Variants in GALNT17 observed in about 807,000 individuals in gnomAD.
GALNT17 encodes the protein UDP-GalNAc:polypeptide N-acetylgalactosaminyltransferase-like 3.
Under a neutral mutation model 63.7 loss-of-function variants are expected in GALNT17, and 29 were observed. That is an observed-to-expected ratio of 0.46 (90% CI 0.34 to 0.62). GALNT17 has a LOEUF of 0.62. GALNT17 is among the 20% of genes least tolerant of loss of function. The pLI, the probability that GALNT17 is intolerant of heterozygous loss-of-function variation, is 0.01. For missense variants in GALNT17, 603 were observed against 799.6 expected, an observed-to-expected ratio of 0.75 and a Z score of 2.97; for synonymous variants, 305 against 318.3, an observed-to-expected ratio of 0.96 and a Z score of 0.45.
intron 5 of GALNT17, among the ~76,000 whole-genome samples, chr7:71,536,572 A>G (rs902422658): frequency 2.0e-5 from 3 of 152,180 alleles, no homozygotes; most frequent in African/African-American, 7.2e-5. Context: ...CAAAAGCAGA[A>G]AGCCCTGATA....
intron 6 of GALNT17, among the ~76,000 whole-genome samples, chr7:71,604,224 A>G (rs1790013712): frequency 8.3e-6 from 1 of 120,294 alleles, no homozygotes; most frequent in Admixed American, 8.0e-5. Context: ...TGTTAAGTGC[A>G]TACAATGGAT....
chr7:71,326,266 T>C (rs1157280293), intron 1 of GALNT17, among the ~76,000 whole-genome samples: 1 of 152,124 alleles, frequency 6.6e-6, no homozygotes, highest in Non-Finnish European at 1.5e-5. Flanking sequence ...GGGACCTGCT[T>C]GGGCAACATA....
intron 1 of GALNT17, among the ~76,000 whole-genome samples, chr7:71,151,804 G>C (rs1788140960): frequency 6.6e-6 from 1 of 152,016 alleles, no homozygotes; most frequent in Non-Finnish European, 1.5e-5. Flanking sequence ...AATAATATAT[G>C]CATTGTCTTT....
At chr7:71,205,780 A>G (rs2116379034) in intron 1 of GALNT17, among the ~76,000 whole-genome samples, 2 of 152,248 alleles carry the variant, frequency 1.3e-5, no homozygotes, top group African/African-American at 4.8e-5. Flanking sequence ...ATTTCTGCAT[A>G]TTATTATGAT....
chr7:71,300,941 C>G (rs778651282), intron 1 of GALNT17: 33 of 152,576 alleles, frequency 2.2e-4, no homozygotes, highest in Admixed American at 5.9e-4. Context: ...ACTTATTCCA[C>G]TTTTACAGAA....
At chr7:71,422,174 C>T (rs1188047966) in intron 5 of GALNT17, among the ~76,000 whole-genome samples, 2 of 152,038 alleles carry the variant, frequency 1.3e-5, no homozygotes, top group Non-Finnish European at 2.9e-5. Context: ...TCTGGTCCTT[C>T]TGGGGGCTCT....
chr7:71,169,758 G>A (rs949981215), intron 1 of GALNT17, among the ~76,000 whole-genome samples: 7 of 152,086 alleles, frequency 4.6e-5, no homozygotes, highest in African/African-American at 1.7e-4. Context: ...GTTTCACCAT[G>A]TTGTCCAGGC....
At chr7:71,371,039 C>T (rs949810031) in intron 2 of GALNT17, among the ~76,000 whole-genome samples, 1 of 152,086 alleles carries the variant, frequency 6.6e-6, no homozygotes, top group Admixed American at 6.5e-5. Flanking sequence ...ATCTTTCTTC[C>T]CCCACATCTG....
chr7:71,261,151 A>G (rs982111102), intron 1 of GALNT17, among the ~76,000 whole-genome samples: 1 of 152,160 alleles, frequency 6.6e-6, no homozygotes, highest in Non-Finnish European at 1.5e-5. Context: ...GTCAGGCACT[A>G]GAGGTCTTTA....
At chr7:71,480,084 G>T (rs1787789137) in intron 5 of GALNT17, among the ~76,000 whole-genome samples, 1 of 151,406 alleles carries the variant, frequency 6.6e-6, no homozygotes, top group South Asian at 2.1e-4. Flanking sequence ...CAGTTGGGCT[G>T]AGATTAAAAT....
chr7:71,174,299 G>A (rs1479423354), intron 1 of GALNT17, among the ~76,000 whole-genome samples: 2 of 152,152 alleles, frequency 1.3e-5, no homozygotes. Context: ...GCCGGGGGGA[G>A]TTCCTCTAAG....
intron 6 of GALNT17, among the ~76,000 whole-genome samples, chr7:71,614,792 GAA>G (rs1188972272): frequency 1.4e-5 from 2 of 147,232 alleles, no homozygotes; most frequent in Admixed American, 1.4e-4. Flanking sequence ...GAGAAACAGA[GAA>G]AGAGAAAAAA....
intron 5 of GALNT17, among the ~76,000 whole-genome samples, chr7:71,483,672 A>C (rs115010545): frequency 0.021 from 3,226 of 151,678 alleles, 45 homozygotes; most frequent in African/African-American, 0.03. Context: ...TCTTATACTA[A>C]TTTATTCTTT....
At chr7:71,295,464 G>A (rs1262177685) in intron 1 of GALNT17, among the ~76,000 whole-genome samples, 1 of 151,154 alleles carries the variant, frequency 6.6e-6, no homozygotes, top group Non-Finnish European at 1.5e-5. Flanking sequence ...GTTTCTCTCT[G>A]TCTCTCTTTG....
chr7:71,305,087 TG>T, intron 1 of GALNT17, among the ~76,000 whole-genome samples: 1 of 152,332 alleles, frequency 6.6e-6, no homozygotes, highest in Middle Eastern at 3.4e-3. Context: ...AGAACACGTT[TG>T]GGGTAGAGGT....
At chr7:71,681,678 C>G (rs1406574200) in intron 9 of GALNT17, among the ~76,000 whole-genome samples, 3 of 152,212 alleles carry the variant, frequency 2.0e-5, no homozygotes, top group Non-Finnish European at 4.4e-5. Context: ...TCCCAGACTT[C>G]TTTGTTCAAT....
At chr7:71,598,819 G>GA (rs11388769) in intron 6 of GALNT17, among the ~76,000 whole-genome samples, 117,954 of 150,948 alleles carry the variant, frequency 0.78, 46,855 homozygotes, top group East Asian at 0.96. Flanking sequence ...AGCAAATCGG[G>GA]TAAATGATCA....
intron 1 of GALNT17, among the ~76,000 whole-genome samples, chr7:71,310,597 G>A (rs1366330038): frequency 6.6e-6 from 1 of 152,224 alleles, no homozygotes; most frequent in African/African-American, 2.4e-5. Flanking sequence ...CAGTTCAGCA[G>A]TGCAACATAT....
chr7:71,603,677 C>T (rs117005601), intron 6 of GALNT17, among the ~76,000 whole-genome samples: 1,913 of 151,176 alleles, frequency 0.013, 15 homozygotes, highest in Middle Eastern at 0.039. Context: ...TAAGTGCATA[C>T]ACTAACTACT....
Sources: allele counts gnomAD v4.1 joint callset (sites outside exome capture counted in the v4.1 genomes callset), GRCh38; gene constraint gnomAD v4.1.1; transcripts MANE v1.5; gene names NCBI Gene and HGNC (gene_info 2026-07-23, HGNC 2026-07-21).